The following YPEL1 variants were observed in gnomAD, a reference collection of about 807,000 sequenced individuals.
YPEL1 encodes the protein protein yippee-like 1.
Under a neutral mutation model 17.3 loss-of-function variants are expected in YPEL1, and 7 were observed. The observed-to-expected ratio is 0.40, with a 90% CI of 0.23 to 0.76. The LOEUF (loss-of-function observed/expected upper bound fraction) is 0.76, where lower values mean the gene tolerates loss of function less well. YPEL1 is among the 30% of genes least tolerant of loss of function. YPEL1 has a pLI of 0.35. For missense variants in YPEL1, 91 were observed against 155.5 expected (o/e 0.59, Z 2.21); for synonymous variants, 59 against 59.6 (o/e 0.99, Z 0.05).
At chr22:21,713,031 TGAGG>T (rs1443329218) in intron 1 of YPEL1, among the ~76,000 whole-genome samples, 2 of 152,124 alleles carry the variant, frequency 1.3e-5, no homozygotes, top group East Asian at 3.9e-4. Context: ...TCACTGATCC[TGAGG>T]GAGGCAGACA....
intron 2 of YPEL1, among the ~76,000 whole-genome samples, chr22:21,704,975 TG>T (rs1200151584): frequency 1.3e-5 from 2 of 151,792 alleles, no homozygotes; most frequent in East Asian, 3.9e-4. Flanking sequence ...TGGGGGGAGT[TG>T]GGGTTTTGAG....
At chr22:21,719,014 C>T (rs575946236) in intron 1 of YPEL1, among the ~76,000 whole-genome samples, 1 of 152,298 alleles carries the variant, frequency 6.6e-6, no homozygotes, top group African/African-American at 2.4e-5. Flanking sequence ...AGCGTTAACA[C>T]AGTACATTTT....
intron 1 of YPEL1, among the ~76,000 whole-genome samples, chr22:21,719,798 C>T (rs964766544): frequency 2.6e-5 from 4 of 152,040 alleles, no homozygotes; most frequent in Non-Finnish European, 4.4e-5. Context: ...GAGGCCCAGG[C>T]GGGTGGATCA....
intron 1 of YPEL1, among the ~76,000 whole-genome samples, chr22:21,728,082 G>C (rs905379212): frequency 6.6e-6 from 1 of 152,164 alleles, no homozygotes; most frequent in African/African-American, 2.4e-5. Flanking sequence ...ATGTGGCCCC[G>C]CCATGTTCAG....
chr22:21,704,016 TCC>T, intron 2 of YPEL1, 134 bp from the exon 3 acceptor site: 2 of 967,186 alleles, frequency 2.1e-6, no homozygotes, highest in Non-Finnish European at 3.3e-6. Flanking sequence ...GACACCGGCG[TCC>T]CCCCTCCAGA....
intron 2 of YPEL1, among the ~76,000 whole-genome samples, chr22:21,705,344 C>T (rs1035910838): frequency 6.6e-6 from 1 of 152,168 alleles, no homozygotes; most frequent in African/African-American, 2.4e-5. Flanking sequence ...AAGAGATGCT[C>T]GCTCAATACC....
chr22:21,706,942 C>T (rs1478891530), intron 2 of YPEL1, among the ~76,000 whole-genome samples: 1 of 152,020 alleles, frequency 6.6e-6, no homozygotes, highest in Non-Finnish European at 1.5e-5. Context: ...GTCATTTGAG[C>T]CCTTTATTTA....
Position 21,699,316 on chromosome 22 carries a change from C to G in YPEL1, c.*1813G>C, listed in dbSNP as rs538484690. 6.5e-6 allele frequency: 1 copy of G among 152,740 alleles called. No individual in the cohort carries two copies. The highest frequency in any genetic ancestry group is 1.5e-5 in the Non-Finnish European group (1 of 68,156). 9.5% of individuals were successfully genotyped at this position (152,740 alleles called of 1,614,324 possible). On this transcript the variant is annotated 3_prime_UTR_variant, in exon 5 of 5. Coordinates refer to ENST00000339468, the MANE Select transcript of YPEL1 (RefSeq NM_013313.5). ...CTGAGAACTATCCGGGCTCAGTGCT[C>G]TCCTATCTGCTGCCCCTCGGTCCCC...
At chr22:21,714,531 C>T (rs1024323922) in intron 1 of YPEL1, among the ~76,000 whole-genome samples, 8 of 152,210 alleles carry the variant, frequency 5.3e-5, no homozygotes, top group African/African-American at 1.9e-4. Context: ...CCGTCAGATA[C>T]ACTGCATGCA....
At chr22:21,732,547 C>T (rs2068398135) in intron 1 of YPEL1, among the ~76,000 whole-genome samples, 2 of 151,964 alleles carry the variant, frequency 1.3e-5, no homozygotes, top group Admixed American at 1.3e-4. Flanking sequence ...TTTGGGAGGC[C>T]GAGGCAGGCG....
intron 1 of YPEL1, among the ~76,000 whole-genome samples, chr22:21,732,217 T>C (rs936237786): frequency 6.6e-6 from 1 of 152,222 alleles, no homozygotes; most frequent in Non-Finnish European, 1.5e-5. Context: ...CCTGAATCTA[T>C]CTCGCACTGC....
At chr22:21,704,043 A>C in intron 2 of YPEL1, 161 bp from the exon 3 acceptor site, 1 of 783,060 alleles carries the variant, frequency 1.3e-6, no homozygotes, top group Non-Finnish European at 2.3e-6. Flanking sequence ...CACTTCTAAT[A>C]ACAGCCACTT....
rs1025787399 is a variant in YPEL1, at chr22:21,704,222, A to G, written c.118-340T>C. On this transcript the variant is annotated intron_variant, in intron 2 of 4. Coordinates refer to ENST00000339468, the MANE Select transcript of YPEL1 (RefSeq NM_013313.5). ...GAGGAGTTCTGAGAGGGGATCACGA[A>G]TGATTTTCTCTACCCGAAAACCCAC... 1.1e-4 allele frequency: 82 copies of G among 714,304 alleles called. No individual in the cohort carries two copies. In the African/African-American group the frequency reaches 1.4e-3, roughly 12 times the overall value. 44.2% of individuals were successfully genotyped at this position (714,304 alleles called of 1,614,324 possible).
In YPEL1 at chr22:21,703,403, G is replaced by A. The variant is rs768188883; in HGVS notation, c.237C>T (p.Cys79=). 13 of 1,613,402 alleles carry A rather than the reference G, an allele frequency of 8.1e-6. No homozygotes were observed. Among genetic ancestry groups the A allele is most frequent in the South Asian group, 2.2e-5 (2 of 91,090 alleles). Residue 79 remains cysteine, a synonymous_variant, in exon 4 of 5, where the codon TGC becomes TGT. Transcript: ENST00000339468. The surrounding 1 kb of genome is among the most constrained non-coding windows in gnomAD (Gnocchi z 6.1). ...ACCCGAGCGTGGTCTTGCAGTTCTCGCAGTAGATGTCGGCAACCGCATGCA... is the reference window on the plus strand; with the variant it reads ...ACCCGAGCGTGGTCTTGCAGTTCTCACAGTAGATGTCGGCAACCGCATGCA... The part of the protein sequence containing the change: ...TGLHAVADIY[C]ENCKTTLGWK...
Position 21,701,318 on chromosome 22 carries a change from A to G in YPEL1, c.271-100T>C, listed in dbSNP as rs2068064000. 4 of 839,648 alleles carry G rather than the reference A, an allele frequency of 4.8e-6. No individual in the cohort carries two copies. The South Asian group carries it at 6.2e-5, about 13-fold the overall frequency. 52.0% of individuals were successfully genotyped at this position (839,648 alleles called of 1,614,324 possible). On this transcript the variant is annotated intron_variant, in intron 4 of 4. Coordinates refer to ENST00000339468, the MANE Select transcript of YPEL1 (RefSeq NM_013313.5). ...CCCCCCCAAGTCTATACTATGAACT[A>G]TATACCCAGATGTTCCCTGAGCGGT...
At chr22:21,704,111 A>T in intron 2 of YPEL1, 1 of 718,910 alleles carries the variant, frequency 1.4e-6, no homozygotes, top group East Asian at 2.7e-5. Flanking sequence ...TGCTGCGTCA[A>T]CATTCTGCAA....
At chr22:21,725,984 C>T (rs2068332172) in intron 1 of YPEL1, among the ~76,000 whole-genome samples, 1 of 152,144 alleles carries the variant, frequency 6.6e-6, no homozygotes, top group African/African-American at 2.4e-5. Context: ...GGGCAACAGA[C>T]CGAGACCGTG....
At chr22:21,721,787 A>G (rs1168436246) in intron 1 of YPEL1, among the ~76,000 whole-genome samples, 1 of 152,138 alleles carries the variant, frequency 6.6e-6, no homozygotes, top group African/African-American at 2.4e-5. Context: ...AGAACATTGT[A>G]GACTCTCGGT....
chr22:21,704,717 A>G (rs2068100123), intron 2 of YPEL1, among the ~76,000 whole-genome samples: 1 of 151,748 alleles, frequency 6.6e-6, no homozygotes, highest in Non-Finnish European at 1.5e-5. Flanking sequence ...GAGAAAGGCC[A>G]TTCCAGTGAC....
Sources: allele counts gnomAD v4.1 joint callset (sites outside exome capture counted in the v4.1 genomes callset), GRCh38; gene constraint gnomAD v4.1.1; non-coding constraint Gnocchi (gnomAD v3.1); transcripts MANE v1.5; gene names NCBI Gene and HGNC (gene_info 2026-07-23, HGNC 2026-07-21).